The following MARCHF11 variants were observed in gnomAD, a reference collection of about 807,000 sequenced individuals.
MARCHF11 encodes the protein E3 ubiquitin-protein ligase MARCHF11.
Under a neutral mutation model 37.3 loss-of-function variants are expected in MARCHF11, and 29 were observed. The ratio of observed to expected loss-of-function variants is 0.78; its 90% CI spans 0.58 to 1.06. MARCHF11 has a LOEUF of 1.06. Ranked by LOEUF, MARCHF11 falls within the 50% of genes least tolerant of loss-of-function variation. The probability of loss-of-function intolerance (pLI) is 0.00; values close to 1 mark genes in which losing one functional copy is unlikely to be tolerated. For missense variants in MARCHF11, 482 were observed against 533.4 expected (o/e 0.90, Z 0.95); for synonymous variants, 233 against 228.0 (o/e 1.02, Z -0.20).
At chr5:16,141,394 T>G (rs1737705234) in intron 2 of MARCHF11, 1 of 152,142 alleles carries the variant, frequency 6.6e-6, no homozygotes, top group Non-Finnish European at 1.5e-5. Flanking sequence ...CAAATCCTCT[T>G]CAGCAGTCAA....
chr5:16,136,621 G>C (rs1304262818), intron 2 of MARCHF11, among the ~76,000 whole-genome samples: 2 of 152,170 alleles, frequency 1.3e-5, no homozygotes, highest in Non-Finnish European at 2.9e-5. Context: ...ATGTAGAAAT[G>C]GGGTAACTAA....
At chr5:16,114,310 T>A (rs904080067) in intron 2 of MARCHF11, among the ~76,000 whole-genome samples, 1 of 152,302 alleles carries the variant, frequency 6.6e-6, no homozygotes, top group South Asian at 2.1e-4. Flanking sequence ...AAGGCAATGG[T>A]CTTACTTTTC....
chr5:16,175,849 G>A (rs2126612509), intron 2 of MARCHF11, among the ~76,000 whole-genome samples: 1 of 152,192 alleles, frequency 6.6e-6, no homozygotes, highest in Middle Eastern at 3.4e-3. Flanking sequence ...GATTTGGTAG[G>A]TCACTACAAC....
chr5:16,070,741 T>C (rs1218829243), intron 3 of MARCHF11, among the ~76,000 whole-genome samples: 1 of 152,226 alleles, frequency 6.6e-6, no homozygotes, highest in Non-Finnish European at 1.5e-5. Context: ...AGAGAACTAC[T>C]TGAAGTTTTC....
chr5:16,116,492 AT>A (rs1203093605), intron 2 of MARCHF11, among the ~76,000 whole-genome samples: 1 of 152,182 alleles, frequency 6.6e-6, no homozygotes, highest in Non-Finnish European at 1.5e-5. Flanking sequence ...GAGAATTGTT[AT>A]TACAAGTGAT....
chr5:16,131,545 C>T (rs747806432), intron 2 of MARCHF11, among the ~76,000 whole-genome samples: 4 of 152,132 alleles, frequency 2.6e-5, no homozygotes, highest in East Asian at 3.9e-4. Flanking sequence ...AAGAACTGGT[C>T]GGGGGTGGGA....
intron 3 of MARCHF11, among the ~76,000 whole-genome samples, chr5:16,089,024 T>C (rs943452051): frequency 1.3e-5 from 2 of 152,004 alleles, no homozygotes; most frequent in African/African-American, 4.8e-5. Context: ...ACTGTAATAA[T>C]CTTGATCAAA....
intron 2 of MARCHF11, among the ~76,000 whole-genome samples, chr5:16,148,650 A>G (rs1023594109): frequency 8.5e-5 from 13 of 152,204 alleles, no homozygotes; most frequent in Non-Finnish European, 1.6e-4. Flanking sequence ...GCAGACATAC[A>G]GGCTGTAGCA....
intron 2 of MARCHF11, among the ~76,000 whole-genome samples, chr5:16,133,255 T>A (rs906819636): frequency 5.3e-5 from 8 of 152,174 alleles, no homozygotes; most frequent in African/African-American, 1.9e-4. Context: ...CCCAACAGAA[T>A]GTGTCAGGAG....
intron 2 of MARCHF11, among the ~76,000 whole-genome samples, chr5:16,113,634 T>TA (rs905230903): frequency 6.6e-6 from 1 of 151,826 alleles, no homozygotes; most frequent in Admixed American, 6.6e-5. Context: ...TAGTGCCTTT[T>TA]AAAAAAAATG....
rs77856164 is a variant in MARCHF11, at chr5:16,110,046, C to T, written c.694-18965G>A. 3.1e-3 allele frequency among the ~76,000 whole-genome samples: 468 copies of T among 152,252 alleles called. 1 individual carries two copies. The highest frequency in any genetic ancestry group is 9.7e-3 in the African/African-American group (405 of 41,544). On this transcript the variant is annotated intron_variant, in intron 2 of 3. Coordinates refer to ENST00000332432, the MANE Select transcript of MARCHF11 (RefSeq NM_001102562.3). ...GTCAAGTTCCCAGAAATTCCTCCAC[C>T]GTGCTCTGATAGAAAACAATCCCAG...
chr5:16,117,217 G>A (rs981104926), intron 2 of MARCHF11, among the ~76,000 whole-genome samples: 3 of 152,148 alleles, frequency 2.0e-5, no homozygotes, highest in Non-Finnish European at 4.4e-5. Flanking sequence ...CACCAGGATT[G>A]CTCTGGAAAT....
chr5:16,165,324 C>T (rs1371800534), intron 2 of MARCHF11, among the ~76,000 whole-genome samples: 1 of 151,900 alleles, frequency 6.6e-6, no homozygotes, highest in Non-Finnish European at 1.5e-5. Flanking sequence ...AATGGCCATA[C>T]ACTCTGAACC....
chr5:16,170,793 A>G (rs1738250008), intron 2 of MARCHF11, among the ~76,000 whole-genome samples: 1 of 152,132 alleles, frequency 6.6e-6, no homozygotes, highest in South Asian at 2.1e-4. Flanking sequence ...CAAGCCCAGA[A>G]ACTCTAAGCA....
chr5:16,155,117 T>C (rs999850990), intron 2 of MARCHF11, among the ~76,000 whole-genome samples: 3 of 151,836 alleles, frequency 2.0e-5, no homozygotes, highest in Admixed American at 2.0e-4. Flanking sequence ...AAATTCATTC[T>C]AAAGAATATA....
At chr5:16,123,173 C>T (rs1737340838) in intron 2 of MARCHF11, among the ~76,000 whole-genome samples, 1 of 152,156 alleles carries the variant, frequency 6.6e-6, no homozygotes, top group Admixed American at 6.5e-5. Flanking sequence ...CAGATACTTA[C>T]ATGTTGAAAT....
At chr5:16,087,123 A>G (rs1736713265) in intron 3 of MARCHF11, among the ~76,000 whole-genome samples, 1 of 152,248 alleles carries the variant, frequency 6.6e-6, no homozygotes. Flanking sequence ...AACAAGTAGA[A>G]GCACTCCCCA....
At chr5:16,080,413 T>A (rs1416283382) in intron 3 of MARCHF11, among the ~76,000 whole-genome samples, 1 of 152,192 alleles carries the variant, frequency 6.6e-6, no homozygotes, top group Non-Finnish European at 1.5e-5. Flanking sequence ...AGCATTTCTC[T>A]GCAGACACTG....
chr5:16,175,650 C>T (rs957693784), intron 2 of MARCHF11, among the ~76,000 whole-genome samples: 10 of 152,174 alleles, frequency 6.6e-5, no homozygotes, highest in East Asian at 3.8e-4. Flanking sequence ...TAGAACAGTG[C>T]GTGGCAAAGT....
Sources: gnomAD v4.1 joint callset for allele counts (sites outside exome capture counted in the v4.1 genomes callset) on GRCh38, gnomAD v4.1.1 for gene constraint, MANE v1.5 for transcripts, NCBI Gene and HGNC (gene_info 2026-07-23, HGNC 2026-07-21) for gene names.